TAF2: variants seen among roughly 807,000 people sequenced by gnomAD.
TAF2 encodes TATA-box binding protein associated factor 2, also known as transcription initiation factor TFIID subunit 2.
A neutral mutation model predicts 138.5 loss-of-function variants in TAF2; 61 were observed. The ratio of observed to expected loss-of-function variants is 0.44; its 90% CI spans 0.36 to 0.54. TAF2 has a LOEUF of 0.54. Among genes scored for constraint, TAF2 ranks in the 20% least tolerant of loss-of-function variants. The probability of loss-of-function intolerance (pLI) is 0.00; values close to 1 mark genes in which losing one functional copy is unlikely to be tolerated. For synonymous variants in TAF2, 475 were observed against 469.9 expected, an observed-to-expected ratio of 1.01 and a Z score of -0.14; for missense variants, 1,090 against 1,427.9, an observed-to-expected ratio of 0.76 and a Z score of 3.81.
At chr8:119,811,869 T>G (rs185581150) in intron 3 of TAF2, among the ~76,000 whole-genome samples, 1 of 151,450 alleles carries the variant, frequency 6.6e-6, no homozygotes, top group African/African-American at 2.4e-5. Flanking sequence ...GACATAAGGC[T>G]GCTGAGTGAA....
chr8:119,772,066 G>C (rs1343599139), intron 18 of TAF2, among the ~76,000 whole-genome samples: 1 of 152,052 alleles, frequency 6.6e-6, no homozygotes, highest in Non-Finnish European at 1.5e-5. Context: ...AATGGAAACT[G>C]AACAACTTGA....
chr8:119,794,321 G>A (rs568594093), intron 9 of TAF2, among the ~76,000 whole-genome samples: 12 of 151,976 alleles, frequency 7.9e-5, no homozygotes, highest in African/African-American at 2.7e-4. Context: ...GCTTAAGCCC[G>A]GGAGGCAGAG....
chr8:119,753,016 T>C (rs1051923929), intron 22 of TAF2, among the ~76,000 whole-genome samples: 1 of 152,210 alleles, frequency 6.6e-6, no homozygotes, highest in Non-Finnish European at 1.5e-5. Flanking sequence ...TATTGATGAA[T>C]CCTCATTACC....
intron 2 of TAF2, among the ~76,000 whole-genome samples, chr8:119,830,591 C>G (rs1047941429): frequency 2.6e-5 from 4 of 152,106 alleles, no homozygotes; most frequent in Admixed American, 6.5e-5. Flanking sequence ...AACGAGGAGA[C>G]TAAATTTAAT....
intron 3 of TAF2, among the ~76,000 whole-genome samples, chr8:119,817,455 A>C (rs894588526): frequency 3.3e-5 from 5 of 152,148 alleles, no homozygotes; most frequent in Non-Finnish European, 5.9e-5. Context: ...GTTTCATCCA[A>C]AACCCCCTCT....
At chr8:119,740,692 A>AAAG (rs141250378) in intron 25 of TAF2, among the ~76,000 whole-genome samples, 105,440 of 137,332 alleles carry the variant, frequency 0.77, 40,334 homozygotes, top group Middle Eastern at 0.89. Context: ...AAAGAAAAGA[A>AAAG]AAGAAGAAGA....
At chr8:119,744,431 C>G (rs747743147) in intron 23 of TAF2, 38 bp from the exon 24 acceptor site, 20 of 1,550,680 alleles carry the variant, frequency 1.3e-5, no homozygotes, top group Non-Finnish European at 1.8e-5. Context: ...ATAAAAGAAC[C>G]ATTACATCAT....
At chr8:119,822,485 G>C (rs1586544129) in intron 2 of TAF2, among the ~76,000 whole-genome samples, 2 of 152,058 alleles carry the variant, frequency 1.3e-5, no homozygotes, top group East Asian at 3.9e-4. Context: ...CAGCCTCCAA[G>C]AGCACTGGGA....
chr8:119,754,680 C>CAA (rs74482890), intron 22 of TAF2, among the ~76,000 whole-genome samples: 7 of 121,390 alleles, frequency 5.8e-5, no homozygotes, highest in East Asian at 2.4e-4. Context: ...AAGACTGTCT[C>CAA]AAAAAAAAAA....
chr8:119,797,261 T>C (rs1028937297), intron 7 of TAF2, among the ~76,000 whole-genome samples, 158 bp from the exon 8 acceptor site: 2 of 152,126 alleles, frequency 1.3e-5, no homozygotes, highest in African/African-American at 2.4e-5. Context: ...ATTCATCATC[T>C]TAGTAACTTG....
intron 18 of TAF2, among the ~76,000 whole-genome samples, chr8:119,773,320 A>G (rs1470899665): frequency 1.3e-5 from 2 of 151,484 alleles, no homozygotes; most frequent in East Asian, 3.8e-4. Context: ...CAGTTTGCTG[A>G]TAAGTTCCAA....
chr8:119,793,171 A>T (rs1293671988), intron 10 of TAF2, among the ~76,000 whole-genome samples, 195 bp downstream of exon 10: 1 of 152,206 alleles, frequency 6.6e-6, no homozygotes, highest in African/African-American at 2.4e-5. Flanking sequence ...CTGATATTTT[A>T]AAAATTATTT....
At chr8:119,771,876 G>A (rs1167763312) in intron 18 of TAF2, among the ~76,000 whole-genome samples, 1 of 152,070 alleles carries the variant, frequency 6.6e-6, no homozygotes, top group Non-Finnish European at 1.5e-5. Flanking sequence ...ACCCACAACT[G>A]CAGAATATAC....
chr8:119,749,569 A>G (rs1820210965), intron 22 of TAF2, among the ~76,000 whole-genome samples: 2 of 152,200 alleles, frequency 1.3e-5, no homozygotes, highest in African/African-American at 4.8e-5. Context: ...AGAATGGGAA[A>G]AAAACACTTC....
Position 119,762,537 on chromosome 8 carries a change from C to T in TAF2, c.2436G>A (p.Val812=). 1 of 1,613,894 alleles carries T rather than the reference C, an allele frequency of 6.2e-7. No homozygotes were observed. Among genetic ancestry groups the T allele is most frequent in the Non-Finnish European group, 8.5e-7 (1 of 1,179,908 alleles). Residue 812 remains valine (V), a synonymous_variant, in exon 19 of 26, where the codon GTG becomes GTA. Transcript: ENST00000378164. ...TATCCAAAGTTCTAACTTCATTATT[C>T]ACACTGACTGCAGGTGTAACAGAGT... ...LANSVTPAVS[V]NNEVRTLDNL...
At chr8:119,752,546 T>C (rs1222254011) in intron 22 of TAF2, among the ~76,000 whole-genome samples, 1 of 152,204 alleles carries the variant, frequency 6.6e-6, no homozygotes, top group African/African-American at 2.4e-5. Flanking sequence ...AGCATATTTC[T>C]AAAATGAGTA....
At chr8:119,821,504 G>T (rs1310591074) in intron 2 of TAF2, among the ~76,000 whole-genome samples, 2 of 152,188 alleles carry the variant, frequency 1.3e-5, no homozygotes, top group African/African-American at 4.8e-5. Context: ...GTGGAAAATA[G>T]GCATTCTCCT....
intron 23 of TAF2, 62 bp downstream of exon 23, chr8:119,746,643 T>G (rs1480932413): frequency 9.1e-6 from 14 of 1,543,986 alleles, no homozygotes; most frequent in Non-Finnish European, 1.3e-5. Context: ...CAGGAAACAA[T>G]TCTCTTCTCT....
intron 3 of TAF2, among the ~76,000 whole-genome samples, chr8:119,808,008 A>G (rs914901518): frequency 6.6e-6 from 1 of 152,206 alleles, no homozygotes. Flanking sequence ...AAAAGCCATT[A>G]AAGAAACATT....
Sources: allele counts gnomAD v4.1 joint callset (sites outside exome capture counted in the v4.1 genomes callset), GRCh38; gene constraint gnomAD v4.1.1; transcripts MANE v1.5; gene names NCBI Gene and HGNC (gene_info 2026-07-23, HGNC 2026-07-21).